Variants in CCDC141 observed in about 807,000 individuals in gnomAD.
The protein encoded by CCDC141 is coiled-coil domain containing 141.
A neutral mutation model predicts 181.0 loss-of-function variants in CCDC141; 168 were observed. That is an observed-to-expected ratio of 0.93 (90% CI 0.82 to 1.05). The LOEUF (loss-of-function observed/expected upper bound fraction) is 1.05, where lower values mean the gene tolerates loss of function less well. CCDC141 is among the 50% of genes least tolerant of loss of function. The probability of loss-of-function intolerance (pLI) is 0.00; values close to 1 mark genes in which losing one functional copy is unlikely to be tolerated. For missense variants in CCDC141, 1,902 were observed against 1,788.5 expected, an observed-to-expected ratio of 1.06 and a Z score of -1.14; for synonymous variants, 666 against 642.3, an observed-to-expected ratio of 1.04 and a Z score of -0.56.
Position 179,031,352 on chromosome 2 carries a change from A to AT in CCDC141, c.225+15931dup, listed in dbSNP as rs1216978257. Among the ~76,000 whole-genome samples, 9 of 151,972 alleles carry AT rather than the reference A, an allele frequency of 5.9e-5. No individual in the cohort carries two copies. In the East Asian group the frequency reaches 1.7e-3, roughly 29 times the overall value. On this transcript the variant is annotated intron_variant, in intron 2 of 23. Transcript: ENST00000443758. ...ATCTGTGGGGTTTATAGTGATACCCATCTTTTACGCCTAATATTAATAATT... is the reference window on the plus strand; with the variant it reads ...ATCTGTGGGGTTTATAGTGATACCCATTCTTTTACGCCTAATATTAATAATT...
At chr2:178,877,111 T>C (rs193025490) in intron 12 of CCDC141, 44 of 152,220 alleles carry the variant, frequency 2.9e-4, no homozygotes, top group African/African-American at 1.0e-3. Context: ...TGACAAACCA[T>C]AGAAAATCCT....
chr2:178,894,269 T>A lies in CCDC141; in HGVS notation c.1266-5601A>T, dbSNP rs943722195. Among the ~76,000 whole-genome samples, 4 of 151,886 alleles carry A rather than the reference T, an allele frequency of 2.6e-5. No homozygotes were observed. In the South Asian group the frequency reaches 8.3e-4, roughly 32 times the overall value. On this transcript the variant is annotated intron_variant, in intron 8 of 23. Coordinates refer to ENST00000443758, the MANE Select transcript of CCDC141 (RefSeq NM_173648.4). ...GGACTGAAGGTCCTATGAGTCCAGG[T>A]GGTCACTGCAAAGCTGCTAAGGAGG...
intron 6 of CCDC141, among the ~76,000 whole-genome samples, chr2:178,921,947 G>A (rs146657519): frequency 6.6e-6 from 1 of 152,310 alleles, no homozygotes; most frequent in East Asian, 1.9e-4. Flanking sequence ...GCAGAATAAA[G>A]CAGGTAATTC....
intron 4 of CCDC141, among the ~76,000 whole-genome samples, chr2:178,972,013 T>C (rs1690912172): frequency 6.6e-6 from 1 of 151,990 alleles, no homozygotes; most frequent in African/African-American, 2.4e-5. Flanking sequence ...CCATGGCACA[T>C]ATATACCTAT....
chr2:178,838,884 T>A (rs1684600935), intron 22 of CCDC141, among the ~76,000 whole-genome samples: 1 of 152,228 alleles, frequency 6.6e-6, no homozygotes, highest in African/African-American at 2.4e-5. Flanking sequence ...ATGTCCCTGT[T>A]GCATAGACTC....
At chr2:178,937,687 T>G (rs1689346127) in intron 6 of CCDC141, among the ~76,000 whole-genome samples, 1 of 152,158 alleles carries the variant, frequency 6.6e-6, no homozygotes. Flanking sequence ...AATTTGGCTA[T>G]GAATCCATCT....
At chr2:179,043,988 C>T (rs941878255) in intron 2 of CCDC141, among the ~76,000 whole-genome samples, 14 of 152,124 alleles carry the variant, frequency 9.2e-5, no homozygotes, top group Non-Finnish European at 1.8e-4. Flanking sequence ...GTGCAAAAAC[C>T]GCTAGCATTC....
intron 2 of CCDC141, among the ~76,000 whole-genome samples, chr2:179,015,661 T>G (rs2042496986): frequency 7.0e-6 from 1 of 141,896 alleles, no homozygotes; most frequent in East Asian, 2.1e-4. Flanking sequence ...CATACATATA[T>G]CTCATACATA....
In CCDC141 at chr2:178,954,256, C is replaced by T. The variant is rs114203944; in HGVS notation, c.780+6974G>A. Among the ~76,000 whole-genome samples the T allele has an allele frequency of 1.9e-3, 285 of 152,208 alleles. 1 individual carries two copies. Among genetic ancestry groups the T allele is most frequent in the South Asian group, 0.014 (67 of 4,814 alleles). On this transcript the variant is annotated intron_variant, in intron 5 of 23. Transcript: ENST00000443758. ...TCTTGCCAAGATAATTAATTATGCACGAAATACTTCAAGCTGCTTCTGATT... is the reference window on the plus strand; with the variant it reads ...TCTTGCCAAGATAATTAATTATGCATGAAATACTTCAAGCTGCTTCTGATT...
chr2:178,942,295 G>C (rs370544701), intron 6 of CCDC141, among the ~76,000 whole-genome samples: 2 of 152,204 alleles, frequency 1.3e-5, no homozygotes, highest in African/African-American at 4.8e-5. Context: ...TGTCATGCAG[G>C]CTTGTCTAGA....
chr2:178,853,709 T>A, intron 19 of CCDC141, 85 bp from the exon 20 acceptor site: 1 of 1,135,864 alleles, frequency 8.8e-7, no homozygotes, highest in Non-Finnish European at 1.3e-6. Flanking sequence ...TATCAAATTT[T>A]AATTCCCTCA....
At position 178,872,130 on chromosome 2, in the gene CCDC141, C is replaced by G; in HGVS notation, c.2079+3G>C. 1 of 1,613,116 alleles carries G rather than the reference C, an allele frequency of 6.2e-7. No individual in the cohort carries two copies. Among genetic ancestry groups the G allele is most frequent in the Non-Finnish European group, 8.5e-7 (1 of 1,179,632 alleles). On this transcript the variant is annotated splice_donor_region_variant and intron_variant, in intron 13 of 23. Coordinates refer to ENST00000443758, the MANE Select transcript of CCDC141 (RefSeq NM_173648.4). ...TTTCACATCCCATTGTTCCTTGCCT[C>G]ACCTTTTTAAGTTGCTCTTTGAATG...
chr2:178,880,111 T>C (rs1686527960), intron 11 of CCDC141, among the ~76,000 whole-genome samples: 3 of 152,208 alleles, frequency 2.0e-5, no homozygotes, highest in Non-Finnish European at 4.4e-5. Flanking sequence ...GTGTCAATAT[T>C]ATGGGCAGTC....
At chr2:178,851,141 G>A (rs142728976) in intron 20 of CCDC141, among the ~76,000 whole-genome samples, 1,625 of 150,752 alleles carry the variant, frequency 0.011, 37 homozygotes, top group African/African-American at 0.037. Flanking sequence ...GGGAGGTGGA[G>A]GTTTCAGTGA....
the CCDC141 span, among the ~76,000 whole-genome samples, chr2:178,820,499 C>G: frequency 2.0e-5 from 3 of 152,080 alleles, no homozygotes; most frequent in African/African-American, 7.2e-5. Flanking sequence ...CAAATAATAA[C>G]TGAATATTGT....
chr2:178,895,068 G>A (rs533316738), intron 8 of CCDC141, among the ~76,000 whole-genome samples: 2 of 152,116 alleles, frequency 1.3e-5, no homozygotes, highest in South Asian at 4.2e-4. Flanking sequence ...GAGAAATTGG[G>A]TCCCACTTGT....
At chr2:178,904,875 T>C (rs930051621) in intron 8 of CCDC141, among the ~76,000 whole-genome samples, 2 of 152,178 alleles carry the variant, frequency 1.3e-5, no homozygotes, top group East Asian at 3.9e-4. Flanking sequence ...ACTGTTTACT[T>C]AGGGTTTTGC....
In CCDC141 at chr2:178,884,997, T is replaced by C. The variant is rs1407281558; in HGVS notation, c.1623A>G (p.Arg541=). The change falls in exon 11 of 24, where the codon AGA becomes AGG. Residue 541 remains arginine, a synonymous_variant. Transcript: ENST00000443758. The part of the protein sequence containing the change: ...DEMVSLSSKA[R]WLAEELNLFG... ...ATAGGTTTAATTCTTCTGCTAGCCA[T>C]CTAGCTTTAGAGGAAAGTGATACCA... The C allele has an allele frequency of 6.4e-7, 1 of 1,550,408 alleles. No homozygotes were observed. The highest frequency in any genetic ancestry group is 1.4e-5 in the African/African-American group (1 of 73,162).
chr2:178,895,358 C>A (rs1334776165), intron 8 of CCDC141, among the ~76,000 whole-genome samples: 1 of 152,194 alleles, frequency 6.6e-6, no homozygotes, highest in East Asian at 1.9e-4. Context: ...TCCTCAATCA[C>A]CCAGGGCAGG....
Sources: allele counts gnomAD v4.1 joint callset (sites outside exome capture counted in the v4.1 genomes callset), GRCh38; gene constraint gnomAD v4.1.1; transcripts MANE v1.5; gene names NCBI Gene and HGNC (gene_info 2026-07-23, HGNC 2026-07-21).